The following CNOT10 variants were observed in gnomAD, a reference collection of about 807,000 sequenced individuals.
CNOT10 encodes the protein CCR4-NOT transcription complex, subunit 10.
In CNOT10, 30 loss-of-function variants were observed where a neutral mutation model predicts 94.6. The observed-to-expected ratio is 0.32, with a 90% confidence interval of 0.24 to 0.43. The LOEUF (loss-of-function observed/expected upper bound fraction) is 0.43, where lower values mean the gene tolerates loss of function less well. Among genes scored for constraint, CNOT10 ranks in the 20% least tolerant of loss-of-function variants. The pLI is 1.00. For synonymous variants in CNOT10, 289 were observed against 301.6 expected (o/e 0.96, Z 0.43); for missense variants, 759 against 877.2 (o/e 0.87, Z 1.70).
chr3:32,717,886 A>C (rs1389303133), intron 7 of CNOT10, among the ~76,000 whole-genome samples: 1 of 152,166 alleles, frequency 6.6e-6, no homozygotes, highest in African/African-American at 2.4e-5. Context: ...TTAAATAAAA[A>C]AAAATTTATT....
At chr3:32,767,186 C>G (rs1389085083) in intron 17 of CNOT10, among the ~76,000 whole-genome samples, 1 of 152,224 alleles carries the variant, frequency 6.6e-6, no homozygotes, top group Non-Finnish European at 1.5e-5. Context: ...ATGCTTGCCA[C>G]AGCAACTAAA....
intron 13 of CNOT10, among the ~76,000 whole-genome samples, chr3:32,757,763 T>G (rs921694087): frequency 6.6e-6 from 1 of 152,188 alleles, no homozygotes; most frequent in East Asian, 1.9e-4. Flanking sequence ...TTGTAGGGAC[T>G]GTGGCCATGG....
At chr3:32,741,519 C>CAGCA (rs1699460266) in intron 13 of CNOT10, among the ~76,000 whole-genome samples, 1 of 152,100 alleles carries the variant, frequency 6.6e-6, no homozygotes, top group Admixed American at 6.6e-5. Flanking sequence ...TCTGTAATCC[C>CAGCA]AGCACTTAGG....
At chr3:32,749,479 G>A (rs117892716) in intron 13 of CNOT10, among the ~76,000 whole-genome samples, 2,936 of 146,930 alleles carry the variant, frequency 0.02, 45 homozygotes, top group East Asian at 0.055. Context: ...GCATGATCTC[G>A]GCTCACCTCA....
chr3:32,739,361 C>T (rs939386556), intron 13 of CNOT10, among the ~76,000 whole-genome samples: 1 of 152,036 alleles, frequency 6.6e-6, no homozygotes, highest in African/African-American at 2.4e-5. Flanking sequence ...TTATTTTATT[C>T]TTCTACTAAC....
chr3:32,715,235 G>A (rs1421867599), intron 5 of CNOT10, among the ~76,000 whole-genome samples: 2 of 152,162 alleles, frequency 1.3e-5, no homozygotes, highest in Non-Finnish European at 2.9e-5. Flanking sequence ...GGACAAGGAG[G>A]AAAGAGGTGA....
rs116121792 is a variant in CNOT10 at position 32,771,762 on chromosome 3, C to T, written c.2081-1695C>T. Among the ~76,000 whole-genome samples, 793 of 152,274 alleles carry T rather than the reference C, an allele frequency of 5.2e-3. 6 individuals carry two copies. Among genetic ancestry groups the T allele is most frequent in the African/African-American group, 0.018 (729 of 41,546 alleles). Reference sequence around the variant, plus strand: ...GAAAATACAGAATCATAACTTCAGACACTTAATTATAATTAATCACTATTA... The same window carrying T: ...GAAAATACAGAATCATAACTTCAGATACTTAATTATAATTAATCACTATTA... On this transcript the variant is annotated intron_variant, in intron 18 of 18. Coordinates refer to ENST00000328834, the MANE Select transcript of CNOT10 (RefSeq NM_015442.3).
chr3:32,709,821 A>C (rs867029287), intron 4 of CNOT10, among the ~76,000 whole-genome samples: 1 of 152,198 alleles, frequency 6.6e-6, no homozygotes, highest in Non-Finnish European at 1.5e-5. Context: ...TAGAATTTCA[A>C]TATGGAGAAA....
At chr3:32,721,429 CT>C (rs58351356) in intron 8 of CNOT10, among the ~76,000 whole-genome samples, 1,003 of 72,560 alleles carry the variant, frequency 0.014, 17 homozygotes, top group African/African-American at 0.054. Context: ...TTTCTTTCAT[CT>C]TTTTTTTTTT....
chr3:32,766,771 C>A (rs1276432497), intron 17 of CNOT10, among the ~76,000 whole-genome samples: 1 of 152,108 alleles, frequency 6.6e-6, no homozygotes, highest in Non-Finnish European at 1.5e-5. Flanking sequence ...AATGGTGCAT[C>A]ATGAAGCTTC....
At chr3:32,720,257 CT>C (rs60731094) in intron 8 of CNOT10, 26 bp downstream of exon 8, 176,454 of 1,252,212 alleles carry the variant, frequency 0.14, 14,056 homozygotes, top group East Asian at 0.18. Flanking sequence ...GAAATTTTAA[CT>C]TTTTTTTGCC....
chr3:32,706,936 G>A (rs1335139121), intron 3 of CNOT10, among the ~76,000 whole-genome samples: 1 of 152,212 alleles, frequency 6.6e-6, no homozygotes, highest in Non-Finnish European at 1.5e-5. Flanking sequence ...TAACCACGTG[G>A]GTGGTTGACG....
chr3:32,770,604 C>T (rs1039394893), intron 18 of CNOT10, among the ~76,000 whole-genome samples: 4 of 151,964 alleles, frequency 2.6e-5, no homozygotes, highest in Non-Finnish European at 4.4e-5. Context: ...GGATTACAGG[C>T]GTGAGCCACC....
At chr3:32,747,287 G>A (rs1018907315) in intron 13 of CNOT10, among the ~76,000 whole-genome samples, 2 of 151,850 alleles carry the variant, frequency 1.3e-5, no homozygotes, top group South Asian at 2.1e-4. Context: ...GTGTACTGGC[G>A]CATGCCTGTA....
At chr3:32,761,321 A>G (rs1700431090) in intron 14 of CNOT10, among the ~76,000 whole-genome samples, 1 of 152,172 alleles carries the variant, frequency 6.6e-6, no homozygotes, top group African/African-American at 2.4e-5. Context: ...CCAACTCAAA[A>G]TGCCAATGTT....
intron 1 of CNOT10, among the ~76,000 whole-genome samples, chr3:32,698,666 T>C (rs2125503537): frequency 6.6e-6 from 1 of 152,308 alleles, no homozygotes; most frequent in African/African-American, 2.4e-5. Context: ...ATTCTAAGAC[T>C]TGTGCTCTTT....
chr3:32,703,818 C>A, intron 1 of CNOT10, 50 bp from the exon 2 acceptor site: 1 of 1,257,330 alleles, frequency 8.0e-7, no homozygotes, highest in Non-Finnish European at 1.2e-6. Flanking sequence ...AAGGAGGGAC[C>A]ACTGTACAAC....
intron 5 of CNOT10, among the ~76,000 whole-genome samples, chr3:32,715,748 G>A (rs1698090544): frequency 6.6e-6 from 1 of 152,220 alleles, no homozygotes; most frequent in Admixed American, 6.5e-5. Flanking sequence ...CATGAGTAGA[G>A]CTTCCTGTCA....
chr3:32,733,085 TG>T (rs965073992), intron 10 of CNOT10, among the ~76,000 whole-genome samples: 33 of 152,200 alleles, frequency 2.2e-4, no homozygotes, highest in African/African-American at 7.7e-4. Flanking sequence ...TTCCTTACTC[TG>T]ATGTCAAAGT....
Sources: gnomAD v4.1 joint callset for allele counts (sites outside exome capture counted in the v4.1 genomes callset) on GRCh38, gnomAD v4.1.1 for gene constraint, MANE v1.5 for transcripts, NCBI Gene and HGNC (gene_info 2026-07-23, HGNC 2026-07-21) for gene names.